Variants in ADGRL3 observed in about 807,000 individuals in gnomAD.
ADGRL3 encodes the protein adhesion G protein-coupled receptor L3.
In ADGRL3, 62 loss-of-function variants were observed where a neutral mutation model predicts 153.5. The ratio of observed to expected loss-of-function variants is 0.40; its 90% confidence interval spans 0.33 to 0.50. The LOEUF is 0.50. Ranked by LOEUF, ADGRL3 falls within the 20% of genes least tolerant of loss-of-function variation. The pLI is 0.47. For missense variants in ADGRL3, 1,641 were observed against 1,859.4 expected, an observed-to-expected ratio of 0.88 and a Z score of 2.16; for synonymous variants, 710 against 672.5, an observed-to-expected ratio of 1.06 and a Z score of -0.86.
At chr4:61,722,172 A>G (rs2096254000) in intron 6 of ADGRL3, among the ~76,000 whole-genome samples, 2 of 152,196 alleles carry the variant, frequency 1.3e-5, no homozygotes, top group South Asian at 4.1e-4. Flanking sequence ...GATTCACTTA[A>G]CAATTTTATG....
At chr4:62,060,219 G>GA (rs1739322523) in intron 25 of ADGRL3, among the ~76,000 whole-genome samples, 1 of 151,566 alleles carries the variant, frequency 6.6e-6, no homozygotes, top group Non-Finnish European at 1.5e-5. Context: ...GATCAATATA[G>GA]AAAAAAATAT....
At chr4:61,648,157 G>A (rs967462641) in intron 5 of ADGRL3, among the ~76,000 whole-genome samples, 1 of 152,040 alleles carries the variant, frequency 6.6e-6, no homozygotes, top group Non-Finnish European at 1.5e-5. Context: ...AAAGCTAGGT[G>A]AAGGGATAGA....
intron 9 of ADGRL3, among the ~76,000 whole-genome samples, chr4:61,887,924 A>G (rs1419872201): frequency 2.6e-5 from 4 of 152,214 alleles, no homozygotes; most frequent in South Asian, 2.1e-4. Flanking sequence ...ACTGTTTTCT[A>G]TTATTGTACT....
chr4:61,994,096 T>A (rs2099113390), intron 19 of ADGRL3, among the ~76,000 whole-genome samples: 1 of 152,210 alleles, frequency 6.6e-6, no homozygotes, highest in Non-Finnish European at 1.5e-5. Flanking sequence ...CTACTGAAAT[T>A]AGTTTACATG....
chr4:61,985,176 A>T (rs2150897993), intron 19 of ADGRL3, among the ~76,000 whole-genome samples: 1 of 152,254 alleles, frequency 6.6e-6, no homozygotes, highest in Middle Eastern at 3.4e-3. Context: ...TAGATAAATT[A>T]ATTGCATTGC....
At chr4:61,667,062 C>T (rs1222940781) in intron 5 of ADGRL3, among the ~76,000 whole-genome samples, 2 of 152,058 alleles carry the variant, frequency 1.3e-5, no homozygotes, top group African/African-American at 4.8e-5. Flanking sequence ...TTGGATGCAT[C>T]GTTCTATGAA....
At chr4:61,899,272 CT>C (rs1561436926) in intron 11 of ADGRL3, among the ~76,000 whole-genome samples, 1 of 151,944 alleles carries the variant, frequency 6.6e-6, no homozygotes, top group East Asian at 1.9e-4. Context: ...TTCACCTCCC[CT>C]CTCCTCCCTC....
chr4:62,056,030 A>G (rs975486291), intron 25 of ADGRL3, among the ~76,000 whole-genome samples: 2 of 151,702 alleles, frequency 1.3e-5, no homozygotes, highest in Non-Finnish European at 3.0e-5. Flanking sequence ...AATTACGTTG[A>G]AACATTTTTT....
At chr4:61,410,187 T>C (rs1474257234) in intron 2 of ADGRL3, among the ~76,000 whole-genome samples, 2 of 152,100 alleles carry the variant, frequency 1.3e-5, no homozygotes, top group Non-Finnish European at 2.9e-5. Flanking sequence ...TGTAAATTTA[T>C]ATTCATGAGT....
chr4:61,240,473 A>G (rs1003211113), intron 1 of ADGRL3, among the ~76,000 whole-genome samples: 2 of 152,106 alleles, frequency 1.3e-5, no homozygotes, highest in Non-Finnish European at 2.9e-5. Context: ...CTGCATCACA[A>G]ATTTCGTATA....
rs201778261 is a variant in ADGRL3 at position 62,036,709 on chromosome 4, G to GA, written c.3592-1016dup. 5.3e-3 allele frequency among the ~76,000 whole-genome samples: 800 copies of GA among 152,010 alleles called. 5 individuals carry two copies. Among genetic ancestry groups the GA allele is most frequent in the South Asian group, 0.017 (83 of 4,814 alleles). On this transcript the variant is annotated intron_variant, in intron 23 of 26. Coordinates refer to ENST00000683033, the MANE Select transcript of ADGRL3 (RefSeq NM_001387552.1). Reference sequence around the variant, plus strand: ...AATATTACATTATCATAAGTTGTGGGAAAAAATGCACTAATGCGAAATCAA... The same window carrying GA: ...AATATTACATTATCATAAGTTGTGGGAAAAAAATGCACTAATGCGAAATCAA...
At chr4:61,763,123 A>C (rs1408714035) in intron 8 of ADGRL3, among the ~76,000 whole-genome samples, 1 of 151,960 alleles carries the variant, frequency 6.6e-6, no homozygotes, top group Non-Finnish European at 1.5e-5. Context: ...ACTTTGCATA[A>C]AGATTTTTTT....
At chr4:61,992,252 GTTC>G (rs2099106120) in intron 19 of ADGRL3, among the ~76,000 whole-genome samples, 2 of 152,104 alleles carry the variant, frequency 1.3e-5, no homozygotes, top group Admixed American at 1.3e-4. Context: ...GTGATAAATT[GTTC>G]TTCTAGCTTT....
At chr4:61,806,954 G>T (rs1295331303) in intron 8 of ADGRL3, among the ~76,000 whole-genome samples, 1 of 151,932 alleles carries the variant, frequency 6.6e-6, no homozygotes, top group Non-Finnish European at 1.5e-5. Flanking sequence ...ACCCCAAAGA[G>T]ATTTTACTTC....
At chr4:61,660,319 A>G (rs996406270) in intron 5 of ADGRL3, among the ~76,000 whole-genome samples, 5 of 152,170 alleles carry the variant, frequency 3.3e-5, no homozygotes, top group African/African-American at 7.2e-5. Flanking sequence ...GAGTATAGTA[A>G]AACTCAGAAG....
chr4:61,812,456 T>G (rs1450228909), intron 8 of ADGRL3, among the ~76,000 whole-genome samples: 1 of 152,198 alleles, frequency 6.6e-6, no homozygotes, highest in Non-Finnish European at 1.5e-5. Flanking sequence ...ACTCCAACTG[T>G]TATCATAATC....
chr4:61,293,787 G>A (rs2094310216), intron 1 of ADGRL3, among the ~76,000 whole-genome samples: 1 of 152,154 alleles, frequency 6.6e-6, no homozygotes, highest in Non-Finnish European at 1.5e-5. Flanking sequence ...TTGGGGAAAG[G>A]TCAACCAATG....
Position 61,375,027 on chromosome 4 carries a change from A to G in ADGRL3, c.-239-8097A>G, listed in dbSNP as rs1003957623. ...AGTAAAACAGTAAGGATTCTGGCATATTGGATTTTTGTGAGATTCGTATCA... is the reference window on the plus strand; with the variant it reads ...AGTAAAACAGTAAGGATTCTGGCATGTTGGATTTTTGTGAGATTCGTATCA... On this transcript the variant is annotated intron_variant, in intron 1 of 26. Transcript: ENST00000683033. Among the ~76,000 whole-genome samples, 7 of 152,130 alleles carry G rather than the reference A, an allele frequency of 4.6e-5. 2 individuals carry two copies. The South Asian group carries it at 1.5e-3, about 32-fold the overall frequency.
At chr4:61,874,354 T>C (rs2098461858) in intron 9 of ADGRL3, among the ~76,000 whole-genome samples, 1 of 152,196 alleles carries the variant, frequency 6.6e-6, no homozygotes, top group Non-Finnish European at 1.5e-5. Flanking sequence ...AGCTTGTTTC[T>C]TCTAAGCCAT....
Sources: allele counts gnomAD v4.1 joint callset (sites outside exome capture counted in the v4.1 genomes callset), GRCh38; gene constraint gnomAD v4.1.1; transcripts MANE v1.5; gene names NCBI Gene and HGNC (gene_info 2026-07-23, HGNC 2026-07-21).